PLXNA4: variants seen among roughly 807,000 people sequenced by gnomAD.
PLXNA4 encodes plexin A4.
In PLXNA4, 44 loss-of-function variants were observed where a neutral mutation model predicts 191.8. The observed-to-expected ratio is 0.23, with a 90% CI of 0.18 to 0.29. The LOEUF (loss-of-function observed/expected upper bound fraction) is 0.29, where lower values mean the gene tolerates loss of function less well. Among genes scored for constraint, PLXNA4 ranks in the 10% least tolerant of loss-of-function variants. PLXNA4 has a pLI of 1.00. For synonymous variants in PLXNA4, 1,082 were observed against 1,009.5 expected (o/e 1.07, Z -1.36); for missense variants, 1,800 against 2,488.8 (o/e 0.72, Z 5.89).
At chr7:132,647,860 C>G (rs1395273697) in intron 1 of PLXNA4, among the ~76,000 whole-genome samples, 1 of 151,874 alleles carries the variant, frequency 6.6e-6, no homozygotes, top group African/African-American at 2.4e-5. Context: ...ATCATATACA[C>G]ACATACACTC....
chr7:132,471,504 T>C (rs1361928509), intron 3 of PLXNA4, among the ~76,000 whole-genome samples: 1 of 152,100 alleles, frequency 6.6e-6, no homozygotes, highest in Non-Finnish European at 1.5e-5. Flanking sequence ...AGTCCTCCCA[T>C]GGGGGCACCT....
intron 1 of PLXNA4, among the ~76,000 whole-genome samples, chr7:132,509,684 A>G (rs1798630975): frequency 6.6e-6 from 1 of 152,188 alleles, no homozygotes; most frequent in African/African-American, 2.4e-5. Context: ...TGTCCCATGC[A>G]GCAGAAGAAT....
chr7:132,273,308 G>A (rs532592993), intron 4 of PLXNA4, among the ~76,000 whole-genome samples: 2 of 151,624 alleles, frequency 1.3e-5, no homozygotes, highest in Non-Finnish European at 2.9e-5. Flanking sequence ...TTTAATTCAT[G>A]CCTCATTGGT....
intron 1 of PLXNA4, among the ~76,000 whole-genome samples, chr7:132,570,988 G>T (rs1397059554): frequency 6.6e-6 from 1 of 151,984 alleles, no homozygotes; most frequent in Non-Finnish European, 1.5e-5. Context: ...GAAATTCCAC[G>T]TGCACCCCTT....
At chr7:132,369,885 G>A (rs1225710685) in intron 3 of PLXNA4, among the ~76,000 whole-genome samples, 1 of 151,846 alleles carries the variant, frequency 6.6e-6, no homozygotes, top group African/African-American at 2.4e-5. Context: ...TGGTTAACAC[G>A]GTGAAACCCC....
chr7:132,324,543 A>G (rs7791777), intron 3 of PLXNA4, among the ~76,000 whole-genome samples: 10,598 of 152,220 alleles, frequency 0.07, 777 homozygotes, highest in African/African-American at 0.18. Flanking sequence ...CTGAATGGCT[A>G]TTATAAAGTG....
chr7:132,156,135 TACACACACACACACACACAC>T (rs57153762), intron 25 of PLXNA4, among the ~76,000 whole-genome samples: 25 of 133,100 alleles, frequency 1.9e-4, no homozygotes, highest in South Asian at 1.1e-3. Flanking sequence ...TTTCTGGACA[TACACACACACACACACACAC>T]ACACACACAC....
At position 132,455,116 on chromosome 7, in the gene PLXNA4, G is replaced by A. The variant is rs76386402; in HGVS notation, c.1371+34176C>T. 1.1e-4 allele frequency among the ~76,000 whole-genome samples: 16 copies of A among 152,332 alleles called. No homozygotes were observed. In the East Asian group the frequency reaches 3.1e-3, roughly 29 times the overall value. On this transcript the variant is annotated intron_variant, in intron 3 of 31. Coordinates refer to ENST00000321063, the MANE Select transcript of PLXNA4 (RefSeq NM_020911.2). ...AGGCAGCCCCGGCTGTCAGCCTGCA[G>A]CCTCGCCTGGACGCTGTTTGCACTC...
intron 4 of PLXNA4, among the ~76,000 whole-genome samples, chr7:132,244,150 C>T (rs1037207449): frequency 6.6e-6 from 1 of 152,148 alleles, no homozygotes; most frequent in African/African-American, 2.4e-5. Context: ...CACAGCTCTG[C>T]CCCCCAGTTT....
In PLXNA4 at chr7:132,489,548, A is replaced by T; in HGVS notation, c.1189-74T>A. On this transcript the variant is annotated intron_variant, in intron 2 of 31. Transcript: ENST00000321063. ...GGCAGAGATATTAAGTCAGGAAACTATGGAGGTAGAAGAATCCTTAGAGAT... is the reference window on the plus strand; with the variant it reads ...GGCAGAGATATTAAGTCAGGAAACTTTGGAGGTAGAAGAATCCTTAGAGAT... 3 of 1,271,942 alleles carry T rather than the reference A, an allele frequency of 2.4e-6. No individual in the cohort carries two copies. The South Asian group carries it at 5.1e-5, about 21-fold the overall frequency. The allele number at this position is 1,271,942 out of a possible 1,614,324, so 78.8% of individuals were successfully genotyped here.
chr7:132,597,859 C>CTCTATA (rs10660880), intron 2 of PLXNA4, among the ~76,000 whole-genome samples: 47,373 of 145,138 alleles, frequency 0.33, 8,199 homozygotes, highest in Non-Finnish European at 0.39. Flanking sequence ...CTCTCTCTCT[C>CTCTATA]TATATATATA....
intron 4 of PLXNA4, among the ~76,000 whole-genome samples, chr7:132,253,359 C>G (rs1246229031): frequency 1.3e-5 from 2 of 151,846 alleles, no homozygotes; most frequent in African/African-American, 2.4e-5. Context: ...CCTCAGCCTC[C>G]TGAGTAGCTG....
intron 1 of PLXNA4, among the ~76,000 whole-genome samples, chr7:132,648,003 A>G (rs909589480): frequency 1.3e-5 from 2 of 151,876 alleles, no homozygotes; most frequent in Non-Finnish European, 2.9e-5. Context: ...ACAGTCATAT[A>G]CCCACAAACA....
intron 1 of PLXNA4, among the ~76,000 whole-genome samples, chr7:132,509,186 A>AG (rs1798611505): frequency 6.6e-6 from 1 of 151,158 alleles, no homozygotes; most frequent in African/African-American, 2.4e-5. Context: ...GGAGGGAGGG[A>AG]GGAAGGGCAG....
chr7:132,207,337 G>A (rs549602910), intron 10 of PLXNA4, among the ~76,000 whole-genome samples: 1 of 152,354 alleles, frequency 6.6e-6, no homozygotes, highest in South Asian at 2.1e-4. Flanking sequence ...AGCTGGGCCT[G>A]GCCCCGGCCC....
intron 2 of PLXNA4, among the ~76,000 whole-genome samples, chr7:132,612,987 GAA>G (rs924361526): frequency 6.8e-6 from 1 of 147,050 alleles, no homozygotes; most frequent in African/African-American, 2.5e-5. Context: ...AACACTATGA[GAA>G]AAAAAAAACG....
In PLXNA4 at chr7:132,613,529, G is replaced by T. The variant is rs139549188; in HGVS notation, c.-87+32399C>A. On this transcript the variant is annotated intron_variant, in intron 2 of 4. Transcript: ENST00000378539. Reference sequence around the variant, plus strand: ...TTCCACCAGCACCTGGCACAGGAAAGTGCCATTAAGTATCTGGTGGCTGAG... The same window carrying T: ...TTCCACCAGCACCTGGCACAGGAAATTGCCATTAAGTATCTGGTGGCTGAG... 9.9e-4 allele frequency among the ~76,000 whole-genome samples: 151 copies of T among 152,348 alleles called. 1 individual carries two copies. The highest frequency in any genetic ancestry group is 3.4e-3 in the African/African-American group (143 of 41,578).
chr7:132,296,929 C>CCTGCG (rs1463430437), intron 4 of PLXNA4, among the ~76,000 whole-genome samples: 1 of 152,088 alleles, frequency 6.6e-6, no homozygotes. Flanking sequence ...TCATCCAGGG[C>CCTGCG]ACAGTGGGTC....
At chr7:132,497,677 A>G (rs1021311425) in intron 2 of PLXNA4, among the ~76,000 whole-genome samples, 1 of 152,174 alleles carries the variant, frequency 6.6e-6, no homozygotes, top group Non-Finnish European at 1.5e-5. Flanking sequence ...GTCTGCCTTC[A>G]GACACGTGAC....
Sources: allele counts gnomAD v4.1 joint callset (sites outside exome capture counted in the v4.1 genomes callset), GRCh38; gene constraint gnomAD v4.1.1; transcripts MANE v1.5; gene names NCBI Gene and HGNC (gene_info 2026-07-23, HGNC 2026-07-21).